Variants in BCL9 observed in about 807,000 individuals in gnomAD.
BCL9 encodes BCL9 transcription coactivator.
Under a neutral mutation model 88.5 loss-of-function variants are expected in BCL9, and 25 were observed. The observed-to-expected ratio is 0.28, with a 90% CI of 0.21 to 0.39. The LOEUF (loss-of-function observed/expected upper bound fraction) is 0.39. Ranked by LOEUF, BCL9 falls within the 10% of genes least tolerant of loss-of-function variation. The probability of loss-of-function intolerance (pLI) is 1.00; values close to 1 mark genes in which losing one functional copy is unlikely to be tolerated. For synonymous variants in BCL9, 711 were observed against 673.3 expected (o/e 1.06, Z -0.87); for missense variants, 1,817 against 1,877.8 (o/e 0.97, Z 0.60).
At chr1:147,611,957 A>C in intron 4 of BCL9, 68 bp downstream of exon 4, 44 of 1,459,876 alleles carry the variant, frequency 3.0e-5, no homozygotes, top group African/African-American at 4.2e-5. Flanking sequence ...ATGAACACTC[A>C]TTGGTGAAAC....
intron 1 of BCL9, among the ~76,000 whole-genome samples, chr1:147,553,020 G>GT (rs1260056150): frequency 5.9e-5 from 9 of 151,750 alleles, no homozygotes; most frequent in African/African-American, 2.2e-4. Context: ...GGATTTGGTG[G>GT]TTTTTTTGGA....
intron 1 of BCL9, among the ~76,000 whole-genome samples, chr1:147,587,730 T>C (rs1553199417): frequency 6.6e-6 from 1 of 151,232 alleles, no homozygotes; most frequent in African/African-American, 2.4e-5. Context: ...TCTCTAATGG[T>C]GGGATTTCAG....
At chr1:147,607,884 G>C (rs1657803018) in intron 3 of BCL9, among the ~76,000 whole-genome samples, 1 of 152,172 alleles carries the variant, frequency 6.6e-6, no homozygotes, top group South Asian at 2.1e-4. Context: ...ATACAGATCT[G>C]CTGGAATGGA....
chr1:147,551,397 G>A (rs1280713365), intron 1 of BCL9, among the ~76,000 whole-genome samples: 1 of 152,218 alleles, frequency 6.6e-6, no homozygotes, highest in Non-Finnish European at 1.5e-5. Context: ...GGTACATGCT[G>A]ATTGAATGAA....
Position 147,584,737 on chromosome 1 carries a change from CCTT to C in BCL9, c.-477-20036_-477-20034del, listed in dbSNP as rs142747856. Among the ~76,000 whole-genome samples, 606 of 152,318 alleles carry C rather than the reference CCTT, an allele frequency of 4.0e-3. 4 individuals are homozygous for C. The highest frequency in any genetic ancestry group is 0.014 in the African/African-American group (587 of 41,548). ...AACTGTAAATTTCAGTAGCATCTTT[CCTT>C]CTTTTGGTCAATTTGTCAGGAATGC... On this transcript the variant is annotated intron_variant, in intron 1 of 9. Transcript: ENST00000234739.
intron 1 of BCL9, among the ~76,000 whole-genome samples, chr1:147,599,870 C>G (rs1467060620): frequency 6.8e-6 from 1 of 146,762 alleles, no homozygotes; most frequent in Non-Finnish European, 1.5e-5. Flanking sequence ...TACCATCGCG[C>G]GCGTCTGGGG....
rs1326724101 is a variant in BCL9, at chr1:147,625,792, CCT to C, written c.*840_*841del. 4.3e-6 allele frequency: 1 copy of C among 232,722 alleles called. No individual in the cohort carries two copies. The highest frequency in any genetic ancestry group is 2.2e-5 in the African/African-American group (1 of 45,212). The allele number at this position is 232,722 out of a possible 1,614,324, so 14.4% of individuals were successfully genotyped here. On this transcript the variant is annotated 3_prime_UTR_variant, in exon 10 of 10. Coordinates refer to ENST00000234739, the MANE Select transcript of BCL9 (RefSeq NM_004326.4). ...CCCCCCGCTGGTGACCCTCTGCTTC[CCT>C]CTCTCTTTCCCTTTGGCAGCTGCAA...
rs587700911 is a variant in BCL9 at position 147,573,221 on chromosome 1, TG to T, written c.-478+31550del. Among the ~76,000 whole-genome samples the T allele has an allele frequency of 1.6e-3, 249 of 152,274 alleles. 2 individuals carry two copies. Among genetic ancestry groups the T allele is most frequent in the African/African-American group, 5.9e-3 (244 of 41,548 alleles). On this transcript the variant is annotated intron_variant, in intron 1 of 9. Coordinates refer to ENST00000234739, the MANE Select transcript of BCL9 (RefSeq NM_004326.4). ...ATCCCAGCACTTTGGGAGGACCATG[TG>T]GGTGGATCATCTGAGGTCAGGAGTT...
At chr1:147,552,692 T>C (rs1462909887) in intron 1 of BCL9, among the ~76,000 whole-genome samples, 1 of 152,176 alleles carries the variant, frequency 6.6e-6, no homozygotes, top group Non-Finnish European at 1.5e-5. Context: ...AGCAGAGAAA[T>C]ATCCACTCTT....
At chr1:147,577,173 G>A (rs1656147525) in intron 1 of BCL9, among the ~76,000 whole-genome samples, 2 of 152,136 alleles carry the variant, frequency 1.3e-5, no homozygotes, top group Admixed American at 6.5e-5. Context: ...TGCAGCATGA[G>A]TATCTTACGA....
intron 8 of BCL9, among the ~76,000 whole-genome samples, chr1:147,621,317 ATAATT>A (rs1557863136): frequency 2.6e-5 from 4 of 152,242 alleles, no homozygotes; most frequent in African/African-American, 9.6e-5. Context: ...GGTTCACAGA[ATAATT>A]TACATTCGCA....
In BCL9 at chr1:147,619,684, T is replaced by G. The variant is rs1054557337; in HGVS notation, c.1529T>G (p.Val510Gly). 11 of 1,613,504 alleles carry G rather than the reference T, an allele frequency of 6.8e-6. No homozygotes were observed. Among genetic ancestry groups the G allele is most frequent in the Non-Finnish European group, 8.5e-6 (10 of 1,179,894 alleles). Residue 510 changes from valine (V) to glycine (G), a missense_variant, in exon 8 of 10, where the codon GTG (valine) becomes GGG (glycine). Val to Gly is a moderately radical substitution (Grantham distance 109, BLOSUM62 -3). Around this residue, in one of 2 missense-constraint regions of BCL9, gnomAD observed 1,228 missense variants for 1,191.6 expected, o/e 1.03. Transcript: ENST00000234739. This position sits in a 1 kb window ranked among gnomAD's most constrained non-coding sequence, Gnocchi z 4.1. ...GTCCATCAGCACGGGCCTCGGGGAGTGGTCCGAGGACCCCCCCCTCCATAC... is the reference window on the plus strand; with the variant it reads ...GTCCATCAGCACGGGCCTCGGGGAGGGGTCCGAGGACCCCCCCCTCCATAC... ...MMVHQHGPRGVVRGPPPPYQM... is the reference protein window; with the variant it reads ...MMVHQHGPRGGVRGPPPPYQM...
intron 1 of BCL9, among the ~76,000 whole-genome samples, chr1:147,556,426 A>G (rs1201392593): frequency 6.7e-6 from 1 of 149,434 alleles, no homozygotes; most frequent in Non-Finnish European, 1.5e-5. Flanking sequence ...GCCCAGCCTC[A>G]TTTATTTATT....
chr1:147,623,683 GTATTATGA>G (rs374145338), intron 9 of BCL9, among the ~76,000 whole-genome samples, 151 bp from the exon 10 acceptor site: 3 of 152,150 alleles, frequency 2.0e-5, no homozygotes, highest in African/African-American at 7.2e-5. Context: ...GTCCCCAGAT[GTATTATGA>G]TCTTATTGAT....
rs111393051 is a variant in BCL9 at position 147,564,923 on chromosome 1, A to G, written c.-478+23249A>G. On this transcript the variant is annotated intron_variant, in intron 1 of 9. Coordinates refer to ENST00000234739, the MANE Select transcript of BCL9 (RefSeq NM_004326.4). Reference sequence around the variant, plus strand: ...GTGGCCATTTAAATTTAAATTAATAAATAAAAATTTAAAAATTCAGCTCTT... The same window carrying G: ...GTGGCCATTTAAATTTAAATTAATAGATAAAAATTTAAAAATTCAGCTCTT... Among the ~76,000 whole-genome samples the G allele has an allele frequency of 2.3e-3, 343 of 152,276 alleles. 3 individuals are homozygous for G. Among genetic ancestry groups the G allele is most frequent in the African/African-American group, 7.9e-3 (327 of 41,552 alleles).
At chr1:147,618,697 C>T in intron 7 of BCL9, 119 bp from the exon 8 acceptor site, 1 of 1,013,902 alleles carries the variant, frequency 9.9e-7, no homozygotes, top group Admixed American at 2.9e-5. Flanking sequence ...GCAATTTCTA[C>T]AGCCAGTGTC....
chr1:147,611,400 G>GCCTT (rs1657993226), intron 3 of BCL9, among the ~76,000 whole-genome samples, 178 bp from the exon 4 acceptor site: 1 of 152,152 alleles, frequency 6.6e-6, no homozygotes, highest in Admixed American at 6.5e-5. Context: ...CCTCCAGCTG[G>GCCTT]TGTGGCCCCT....
intron 1 of BCL9, among the ~76,000 whole-genome samples, chr1:147,545,677 A>G (rs1206653756): frequency 6.6e-6 from 1 of 152,186 alleles, no homozygotes; most frequent in East Asian, 1.9e-4. Flanking sequence ...AGTTACAAAT[A>G]CGGCTTTTGC....
At chr1:147,555,397 C>T (rs1553195312) in intron 1 of BCL9, among the ~76,000 whole-genome samples, 4 of 152,294 alleles carry the variant, frequency 2.6e-5, no homozygotes, top group African/African-American at 4.8e-5. Flanking sequence ...CCTCTCTTCC[C>T]CTGTAAGAGA....
Sources: allele counts gnomAD v4.1 joint callset (sites outside exome capture counted in the v4.1 genomes callset), GRCh38; gene constraint gnomAD v4.1.1; regional missense constraint gnomAD v4.1.1; non-coding constraint Gnocchi (gnomAD v3.1); transcripts MANE v1.5; gene names NCBI Gene and HGNC (gene_info 2026-07-23, HGNC 2026-07-21).